TOP1MT: variants seen among roughly 807,000 people sequenced by gnomAD.
TOP1MT encodes DNA topoisomerase I mitochondrial, also known as DNA topoisomerase I, mitochondrial.
Under a neutral mutation model 73.9 loss-of-function variants are expected in TOP1MT, and 80 were observed. That is an observed-to-expected ratio of 1.08 (90% CI 0.90 to 1.30). TOP1MT has a LOEUF of 1.30. TOP1MT is among the 50% of genes most tolerant of loss of function. The pLI is 0.00. For synonymous variants in TOP1MT, 338 were observed against 326.4 expected, an observed-to-expected ratio of 1.04 and a Z score of -0.38; for missense variants, 815 against 808.0, an observed-to-expected ratio of 1.01 and a Z score of -0.10.
At chr8:143,310,808 C>G (rs1371570112) in intron 12 of TOP1MT, among the ~76,000 whole-genome samples, 5 of 152,208 alleles carry the variant, frequency 3.3e-5, no homozygotes, top group Admixed American at 3.3e-4. Flanking sequence ...AGCATAGGTC[C>G]GGGGAAGTGC....
Position 143,313,326 on chromosome 8 carries a change from G to T in TOP1MT, c.1553+2401C>A, listed in dbSNP as rs148962276. On this transcript the variant is annotated intron_variant, in intron 12 of 13. Transcript: ENST00000329245. The stretch of plus-strand genomic sequence containing the variant: ...AGCACTTTGGGAGGCCGAGGTGGGT[G>T]GATCACCCGAGGTCAGGAGTTCAAG... Among the ~76,000 whole-genome samples, 822 of 149,372 alleles carry T rather than the reference G, an allele frequency of 5.5e-3. 10 individuals carry two copies. The highest frequency in any genetic ancestry group is 0.02 in the African/African-American group (793 of 40,466).
At chr8:143,333,291 T>C (rs1265169635) in intron 1 of TOP1MT, among the ~76,000 whole-genome samples, 1 of 151,974 alleles carries the variant, frequency 6.6e-6, no homozygotes. Context: ...CTACTAAAAA[T>C]ACAAAAATTA....
intron 1 of TOP1MT, among the ~76,000 whole-genome samples, chr8:143,350,627 C>T (rs1167844373): frequency 1.3e-5 from 2 of 152,116 alleles, no homozygotes; most frequent in African/African-American, 4.8e-5. Context: ...CCACAGCACC[C>T]AGCCCACTAT....
At chr8:143,311,740 T>A in intron 12 of TOP1MT, among the ~76,000 whole-genome samples, 1 of 77,760 alleles carries the variant, frequency 1.3e-5, no homozygotes. Context: ...AGTGAGAGAC[T>A]CTGTGTCAAA....
chr8:143,357,696 CG>C (rs1048934714), upstream of TOP1MT, among the ~76,000 whole-genome samples: 3 of 152,084 alleles, frequency 2.0e-5, no homozygotes, highest in African/African-American at 7.2e-5. Context: ...CTGAAGCAGG[CG>C]GATCACCTGA....
intron 2 of TOP1MT, among the ~76,000 whole-genome samples, chr8:143,342,367 A>G (rs1236836748): frequency 7.3e-6 from 1 of 137,168 alleles, no homozygotes; most frequent in Non-Finnish European, 1.5e-5. Context: ...TCGCTCTGTT[A>G]TTATTATTAG....
Position 143,326,250 on chromosome 8 carries a change from CG to C in TOP1MT, c.454del (p.Arg152GlyfsTer4). 6.2e-7 allele frequency: 1 copy of C among 1,613,988 alleles called. No individual in the cohort carries two copies. The highest frequency in any genetic ancestry group is 8.5e-7 in the Non-Finnish European group (1 of 1,180,026). On this transcript the variant is annotated frameshift_variant, in exon 4 of 14. Transcript: ENST00000329245. LOFTEE classifies it high-confidence loss of function. ...CTTCTCCTCCCTGCTCAGGACTTTC[CG>C]GGCTGCGGCCTTGTCCACAAAGTAT... ...HRYFVDKAAARKVLSREEKQK... is the reference protein window; with the variant it reads ...HRYFVDKAAAXKVLSREEKQK...
chr8:143,314,711 G>A (rs1361706963), intron 12 of TOP1MT, among the ~76,000 whole-genome samples: 1 of 152,170 alleles, frequency 6.6e-6, no homozygotes, highest in Non-Finnish European at 1.5e-5. Context: ...TAGGTGCTGA[G>A]GCAAGAGACT....
chr8:143,351,486 A>G (rs1817319657), intron 1 of TOP1MT, among the ~76,000 whole-genome samples: 1 of 152,086 alleles, frequency 6.6e-6, no homozygotes, highest in Non-Finnish European at 1.5e-5. Context: ...AGGCAAAGGC[A>G]GGAGAATCAC....
At chr8:143,338,459 C>G (rs1363108874), upstream of TOP1MT, among the ~76,000 whole-genome samples, 1 of 151,600 alleles carries the variant, frequency 6.6e-6, no homozygotes, top group African/African-American at 2.4e-5. Context: ...CCCAGCTACT[C>G]GGGAGGCTGA....
chr8:143,315,207 C>T (rs1019155004), intron 12 of TOP1MT, among the ~76,000 whole-genome samples: 2 of 152,178 alleles, frequency 1.3e-5, no homozygotes, highest in African/African-American at 2.4e-5. Flanking sequence ...GAGGCCTAAC[C>T]GTCTCCCTGT....
At chr8:143,348,792 G>C (rs765132694), upstream of TOP1MT, among the ~76,000 whole-genome samples, 1 of 152,168 alleles carries the variant, frequency 6.6e-6, no homozygotes, top group Non-Finnish European at 1.5e-5. This position sits in a 1 kb window ranked among gnomAD's most constrained non-coding sequence, Gnocchi z 4.6. Flanking sequence ...GCCAGAAAAC[G>C]GCCCTTGGTC....
chr8:143,321,660 A>ACC (rs1816383433), intron 7 of TOP1MT, among the ~76,000 whole-genome samples: 1 of 99,850 alleles, frequency 1.0e-5, no homozygotes, highest in Non-Finnish European at 2.0e-5. Context: ...GGCACGCCAC[A>ACC]CACACGCACG....
At chr8:143,343,499 TG>T (rs1817167883) in intron 1 of TOP1MT, 1 of 330,038 alleles carries the variant, frequency 3.0e-6, no homozygotes, top group Non-Finnish European at 6.0e-6. Flanking sequence ...CAGCTGGCGG[TG>T]GGAAGTCCCG....
At chr8:143,321,789 ACG>A (rs1816397396) in intron 7 of TOP1MT, among the ~76,000 whole-genome samples, 4 of 95,052 alleles carry the variant, frequency 4.2e-5, no homozygotes, top group Non-Finnish European at 8.3e-5. Context: ...CACGCCACAC[ACG>A]CACGCCACAC....
chr8:143,322,372 G>A (rs1161649786), intron 7 of TOP1MT, among the ~76,000 whole-genome samples: 5 of 59,200 alleles, frequency 8.4e-5, no homozygotes, highest in Non-Finnish European at 1.0e-4. Context: ...ACACACACAG[G>A]CACGCCACAC....
In TOP1MT at chr8:143,309,531, G is replaced by A; in HGVS notation, c.1716C>T (p.Phe572=). The A allele has an allele frequency of 6.2e-7, 1 of 1,613,844 alleles. No homozygotes were observed. Among genetic ancestry groups the A allele is most frequent in the East Asian group, 2.2e-5 (1 of 44,864 alleles). ...TGTAGATCTTCTCCACTGGCACCCT[G>A]AACCGCTTGCACCTGCGGGAGGCAG... ...PRISIAWCKR[F]RVPVEKIYSK... is the part of the protein sequence containing the mutation. Residue 572 remains phenylalanine (F), a synonymous_variant, in exon 14 of 14, where the codon TTC becomes TTT. Coordinates refer to ENST00000329245, the MANE Select transcript of TOP1MT (RefSeq NM_052963.3).
At chr8:143,322,005 A>G (rs1410287907) in intron 7 of TOP1MT, among the ~76,000 whole-genome samples, 1 of 90,236 alleles carries the variant, frequency 1.1e-5, no homozygotes, top group East Asian at 4.8e-4. Context: ...CACGCCACAC[A>G]CATGCACGCC....
intron 10 of TOP1MT, 31 bp from the exon 11 acceptor site, chr8:143,316,157 CCA>C: frequency 6.2e-7 from 1 of 1,613,594 alleles, no homozygotes; most frequent in Non-Finnish European, 8.5e-7. Flanking sequence ...GAGGCAGCAC[CCA>C]CGGGGCCGGC....
Sources: allele counts gnomAD v4.1 joint callset (sites outside exome capture counted in the v4.1 genomes callset), GRCh38; gene constraint gnomAD v4.1.1; non-coding constraint Gnocchi (gnomAD v3.1); transcripts MANE v1.5; gene names NCBI Gene and HGNC (gene_info 2026-07-23, HGNC 2026-07-21).